Variants in EDIL3 observed in about 807,000 individuals in gnomAD.
EDIL3 encodes the protein EGF-like repeat and discoidin I-like domain-containing protein 3.
A neutral mutation model predicts 67.4 loss-of-function variants in EDIL3; 37 were observed. That is an observed-to-expected ratio of 0.55 (90% CI 0.42 to 0.72). The LOEUF is 0.72. Among genes scored for constraint, EDIL3 ranks in the 30% least tolerant of loss-of-function variants. EDIL3 has a pLI of 0.00. For missense variants in EDIL3, 527 were observed against 586.3 expected (o/e 0.90, Z 1.04); for synonymous variants, 195 against 196.3 (o/e 0.99, Z 0.05).
intron 3 of EDIL3, among the ~76,000 whole-genome samples, chr5:84,218,302 C>T (rs1399306694): frequency 6.6e-6 from 1 of 152,140 alleles, no homozygotes; most frequent in East Asian, 1.9e-4. Flanking sequence ...ATGTTCTAGG[C>T]AACGCAGTTT....
chr5:84,030,864 T>C (rs1203105415), intron 9 of EDIL3, among the ~76,000 whole-genome samples: 1 of 152,184 alleles, frequency 6.6e-6, no homozygotes, highest in African/African-American at 2.4e-5. Flanking sequence ...GAGTCAGTCA[T>C]TGTACTAGTG....
intron 2 of EDIL3, among the ~76,000 whole-genome samples, chr5:84,240,280 A>G (rs1238767918): frequency 6.6e-6 from 1 of 152,236 alleles, no homozygotes; most frequent in African/African-American, 2.4e-5. Context: ...TGCTGTTCAG[A>G]TAAGAGCTTT....
intron 5 of EDIL3, among the ~76,000 whole-genome samples, chr5:84,109,092 A>G (rs561130498): frequency 6.6e-6 from 1 of 152,282 alleles, no homozygotes; most frequent in East Asian, 1.9e-4. Context: ...GAACTGTTGT[A>G]TTTATCAGAT....
intron 9 of EDIL3, among the ~76,000 whole-genome samples, chr5:84,058,487 T>C (rs796276755): frequency 3.3e-5 from 5 of 152,260 alleles, no homozygotes; most frequent in African/African-American, 1.2e-4. Context: ...GCACTGGTGA[T>C]AGAAGTAGCA....
At chr5:84,366,543 AC>A (rs1747738565) in intron 1 of EDIL3, among the ~76,000 whole-genome samples, 1 of 152,164 alleles carries the variant, frequency 6.6e-6, no homozygotes, top group African/African-American at 2.4e-5. Context: ...TTTTTCTTTC[AC>A]ATTATTCTAT....
At chr5:84,005,805 A>G (rs1273917661) in intron 9 of EDIL3, among the ~76,000 whole-genome samples, 3 of 152,032 alleles carry the variant, frequency 2.0e-5, no homozygotes, top group Non-Finnish European at 4.4e-5. Flanking sequence ...TCAACATATT[A>G]TTGGAAGTCC....
At chr5:84,299,861 G>T (rs187239638) in intron 1 of EDIL3, among the ~76,000 whole-genome samples, 1 of 152,098 alleles carries the variant, frequency 6.6e-6, no homozygotes, top group African/African-American at 2.4e-5. Context: ...TTTGCCTGTA[G>T]AGCAATCATT....
chr5:83,943,706 GCTT>G lies in EDIL3; in HGVS notation c.1294-141_1294-139del, dbSNP rs547847542. The G allele has an allele frequency of 1.1e-4, 100 of 916,648 alleles. No homozygotes were observed. In the East Asian group the frequency reaches 2.6e-3, roughly 24 times the overall value. The allele number at this position is 916,648 out of a possible 1,614,324, so 56.8% of individuals were successfully genotyped here. A position where few individuals can be genotyped will look rare whatever the true frequency, so the allele number is the denominator to read the frequency against. On this transcript the variant is annotated intron_variant, in intron 10 of 10. Coordinates refer to ENST00000296591, the MANE Select transcript of EDIL3 (RefSeq NM_005711.5). ...TTTCTTTTCTTCAAAATATATTGCAGCTTCTTTTTAATAATAATTATTTTAAAT... is the reference window on the plus strand; with the variant it reads ...TTTCTTTTCTTCAAAATATATTGCAGCTTTTTAATAATAATTATTTTAAAT...
In EDIL3 at chr5:83,943,642, G is replaced by T. The variant is rs576265966; in HGVS notation, c.1294-74C>A. On this transcript the variant is annotated intron_variant, in intron 10 of 10. Coordinates refer to ENST00000296591, the MANE Select transcript of EDIL3 (RefSeq NM_005711.5). The stretch of plus-strand genomic sequence containing the variant: ...GAAATTATTTTTATGTTCCTGTTTG[G>T]AACATTTTCCCCAAACATGATATTT... 8.5e-6 allele frequency: 13 copies of T among 1,538,260 alleles called. No individual in the cohort carries two copies. The African/African-American group carries it at 9.7e-5, about 11-fold the overall frequency.
At position 84,384,550 on chromosome 5, in the gene EDIL3, T is replaced by G; in HGVS notation, c.-176A>C. 5.5e-6 allele frequency: 3 copies of G among 549,422 alleles called. No homozygotes were observed. Among genetic ancestry groups the G allele is most frequent in the South Asian group, 2.8e-5 (1 of 36,204 alleles). 34.0% of individuals were successfully genotyped at this position (549,422 alleles called of 1,614,324 possible). Reference sequence around the variant, plus strand: ...TCTTGGAGAGGGCGAGAGTGGTGACTAAAGAGAGGAGCCTTTCCTCCCCTT... The same window carrying G: ...TCTTGGAGAGGGCGAGAGTGGTGACGAAAGAGAGGAGCCTTTCCTCCCCTT... On this transcript the variant is annotated 5_prime_UTR_variant, in exon 1 of 11. Coordinates refer to ENST00000296591, the MANE Select transcript of EDIL3 (RefSeq NM_005711.5).
chr5:84,274,203 C>T (rs1745530308), intron 1 of EDIL3, among the ~76,000 whole-genome samples: 1 of 152,058 alleles, frequency 6.6e-6, no homozygotes, highest in Non-Finnish European at 1.5e-5. Flanking sequence ...AACTTCCAGG[C>T]TCATGTGATT....
At position 84,363,375 on chromosome 5, in the gene EDIL3, G is replaced by A. The variant is rs184305936; in HGVS notation, c.67+20933C>T. On this transcript the variant is annotated intron_variant, in intron 1 of 10. Coordinates refer to ENST00000296591, the MANE Select transcript of EDIL3 (RefSeq NM_005711.5). ...TGAGGCAGGAGAATCGCTTGAACTCGGGAAGTGGAGGTTGCAGTGAGCCGA... is the reference window on the plus strand; with the variant it reads ...TGAGGCAGGAGAATCGCTTGAACTCAGGAAGTGGAGGTTGCAGTGAGCCGA... 4.6e-5 allele frequency among the ~76,000 whole-genome samples: 7 copies of A among 151,474 alleles called. No individual in the cohort carries two copies. The East Asian group carries it at 7.8e-4, about 17-fold the overall frequency.
intron 1 of EDIL3, among the ~76,000 whole-genome samples, chr5:84,371,367 ATATATGTATGTGTGTATATATAT>A (rs1561271591): frequency 3.6e-5 from 5 of 138,166 alleles, no homozygotes; most frequent in African/African-American, 1.3e-4. Context: ...ATATGTGTGT[ATATATGTATGTGTGTATATATAT>A]GTGTGTATAT....
chr5:84,112,618 T>C (rs113866933), intron 5 of EDIL3, among the ~76,000 whole-genome samples: 81 of 152,264 alleles, frequency 5.3e-4, no homozygotes, highest in African/African-American at 1.9e-3. Flanking sequence ...ATCTCTCATA[T>C]CAGTCAGGCT....
At chr5:84,332,752 G>A (rs748324021) in intron 1 of EDIL3, among the ~76,000 whole-genome samples, 1 of 152,120 alleles carries the variant, frequency 6.6e-6, no homozygotes, top group Non-Finnish European at 1.5e-5. Context: ...GCAAATCAGT[G>A]TCTTATATTT....
chr5:84,111,999 G>C (rs368928279), intron 5 of EDIL3, among the ~76,000 whole-genome samples: 31 of 152,078 alleles, frequency 2.0e-4, no homozygotes, highest in Non-Finnish European at 4.3e-4. Context: ...CACAGGCAGG[G>C]AACAGGCTGC....
intron 1 of EDIL3, among the ~76,000 whole-genome samples, chr5:84,265,153 C>T (rs1745321571): frequency 6.6e-6 from 1 of 152,032 alleles, no homozygotes; most frequent in Non-Finnish European, 1.5e-5. Flanking sequence ...AATTGCAAAG[C>T]CTAATTTCAT....
At chr5:84,137,002 C>A (rs1305234684) in intron 5 of EDIL3, among the ~76,000 whole-genome samples, 2 of 151,960 alleles carry the variant, frequency 1.3e-5, no homozygotes, top group Non-Finnish European at 2.9e-5. Flanking sequence ...ATATTGTGCA[C>A]TAAATGAGAC....
At chr5:84,174,311 C>T in intron 4 of EDIL3, among the ~76,000 whole-genome samples, 1 of 152,138 alleles carries the variant, frequency 6.6e-6, no homozygotes, top group East Asian at 1.9e-4. Flanking sequence ...GCCAGGGTGT[C>T]TGAGGACAGA....
Sources: allele counts gnomAD v4.1 joint callset (sites outside exome capture counted in the v4.1 genomes callset), GRCh38; gene constraint gnomAD v4.1.1; transcripts MANE v1.5; gene names NCBI Gene and HGNC (gene_info 2026-07-23, HGNC 2026-07-21).